Variants in SLC36A1 observed in about 807,000 individuals in gnomAD.
SLC36A1 encodes proton-coupled amino acid transporter 1.
A neutral mutation model predicts 47.5 loss-of-function variants in SLC36A1; 30 were observed. That is an observed-to-expected ratio of 0.63 (90% CI 0.47 to 0.86). The LOEUF is 0.86. Ranked by LOEUF, SLC36A1 falls within the 40% of genes least tolerant of loss-of-function variation. The pLI is 0.00. For missense variants in SLC36A1, 517 were observed against 606.0 expected, an observed-to-expected ratio of 0.85 and a Z score of 1.54; for synonymous variants, 255 against 249.7, an observed-to-expected ratio of 1.02 and a Z score of -0.20.
chr5:151,418,166 G>A, the SLC36A1 span, among the ~76,000 whole-genome samples: 23 of 152,270 alleles, frequency 1.5e-4, no homozygotes, highest in Middle Eastern at 3.2e-3. Context: ...TGTCCAGACA[G>A]AAGTTTGCTG....
the SLC36A1 span, among the ~76,000 whole-genome samples, chr5:151,352,274 G>A: frequency 6.6e-6 from 1 of 152,096 alleles, no homozygotes; most frequent in Non-Finnish European, 1.5e-5. Context: ...GATTATGTGT[G>A]TGTATCCCCA....
chr5:151,520,436 A>C, the SLC36A1 span, among the ~76,000 whole-genome samples: 1 of 152,336 alleles, frequency 6.6e-6, no homozygotes, highest in South Asian at 2.1e-4. Flanking sequence ...TTCCAACTGC[A>C]GATGGGGCTA....
At chr5:151,529,059 G>T in the SLC36A1 span, 1 of 815,936 alleles carries the variant, frequency 1.2e-6, no homozygotes, top group Non-Finnish European at 2.0e-6. Context: ...TCAGAGTCAA[G>T]TCTACAGTGT....
At chr5:151,499,156 G>C in the SLC36A1 span, among the ~76,000 whole-genome samples, 2 of 152,198 alleles carry the variant, frequency 1.3e-5, no homozygotes, top group East Asian at 3.8e-4. Context: ...ACCTTTCTTG[G>C]TTGGACACTT....
chr5:151,412,179 A>G, the SLC36A1 span, among the ~76,000 whole-genome samples: 10 of 144,802 alleles, frequency 6.9e-5, 2 homozygotes, highest in Non-Finnish European at 1.5e-4. Flanking sequence ...AGGTAAGACA[A>G]TGTAAGGAAT....
the SLC36A1 span, among the ~76,000 whole-genome samples, chr5:151,411,153 C>T: frequency 6.9e-6 from 1 of 144,898 alleles, no homozygotes; most frequent in African/African-American, 2.5e-5. Flanking sequence ...AGCTAGGACT[C>T]ATATTCACAT....
chr5:151,554,563 A>G, the SLC36A1 span: 1 of 1,614,228 alleles, frequency 6.2e-7, no homozygotes, highest in South Asian at 1.1e-5. Flanking sequence ...GAAGGCGGAC[A>G]TTGAAGAGCT....
chr5:151,478,103 G>A (rs937637616), intron 9 of SLC36A1, among the ~76,000 whole-genome samples: 1 of 152,168 alleles, frequency 6.6e-6, no homozygotes, highest in Non-Finnish European at 1.5e-5. Flanking sequence ...CCTTTTACCA[G>A]ACTCAGTCTT....
chr5:151,380,750 C>G, the SLC36A1 span: 1 of 541,686 alleles, frequency 1.8e-6, no homozygotes, highest in South Asian at 1.4e-5. Context: ...GTGGGAAGCC[C>G]CTTGCAGACA....
At chr5:151,348,198 A>G in the SLC36A1 span, among the ~76,000 whole-genome samples, 1 of 152,166 alleles carries the variant, frequency 6.6e-6, no homozygotes, top group African/African-American at 2.4e-5. Context: ...GGAAACGGGG[A>G]AGAGGCTGAG....
the SLC36A1 span, among the ~76,000 whole-genome samples, chr5:151,356,966 T>C: frequency 6.6e-6 from 1 of 152,058 alleles, no homozygotes; most frequent in Non-Finnish European, 1.5e-5. Context: ...ACAAGCAGGG[T>C]GCTCCCATAG....
At chr5:151,483,521 G>GGGGT (rs1759115963) in intron 10 of SLC36A1, among the ~76,000 whole-genome samples, 1 of 109,460 alleles carries the variant, frequency 9.1e-6, no homozygotes, top group Non-Finnish European at 2.4e-5. Context: ...TGTGTGTGGG[G>GGGGT]GGGGTGATTA....
chr5:151,356,352 A>AAAAAAAAAAAAAAAAAAAAAAAAAAAG, the SLC36A1 span, among the ~76,000 whole-genome samples: 1 of 148,902 alleles, frequency 6.7e-6, no homozygotes, highest in Non-Finnish European at 1.5e-5. Flanking sequence ...AAAAAAAAAA[A>AAAAAAAAAAAAAAAAAAAAAAAAAAAG]AAAAAAAAGA....
chr5:151,512,295 C>A, the SLC36A1 span: 8 of 1,614,240 alleles, frequency 5.0e-6, no homozygotes, highest in Non-Finnish European at 6.8e-6. This position sits in a 1 kb window ranked among gnomAD's most constrained non-coding sequence, Gnocchi z 4.1. Context: ...CAGGGGCCAG[C>A]AGATCTAGAG....
chr5:151,552,711 C>T, the SLC36A1 span, among the ~76,000 whole-genome samples: 22 of 152,256 alleles, frequency 1.4e-4, no homozygotes, highest in African/African-American at 5.1e-4. Context: ...CATCAGAGCC[C>T]GGATCCAAGT....
the SLC36A1 span, among the ~76,000 whole-genome samples, chr5:151,350,136 A>C: frequency 2.0e-5 from 3 of 147,594 alleles, no homozygotes; most frequent in African/African-American, 7.5e-5. Flanking sequence ...CACCACCACC[A>C]CCCTCCCCCG....
chr5:151,473,357 TC>T (rs1757594038), intron 7 of SLC36A1, among the ~76,000 whole-genome samples: 2 of 152,216 alleles, frequency 1.3e-5, no homozygotes, highest in Admixed American at 6.5e-5. Flanking sequence ...TGATTTTTTT[TC>T]TACTTGAATT....
chr5:151,351,489 G>T, the SLC36A1 span, among the ~76,000 whole-genome samples: 1 of 152,158 alleles, frequency 6.6e-6, no homozygotes, highest in Non-Finnish European at 1.5e-5. Context: ...ACTTGCTGGG[G>T]AGAGTGAATT....
At chr5:151,345,377 G>A in the SLC36A1 span, among the ~76,000 whole-genome samples, 1 of 152,180 alleles carries the variant, frequency 6.6e-6, no homozygotes, top group African/African-American at 2.4e-5. Context: ...CTTGGGCAAC[G>A]TGTTCAACTT....
Sources: gnomAD v4.1 joint callset for allele counts (sites outside exome capture counted in the v4.1 genomes callset) on GRCh38, gnomAD v4.1.1 for gene constraint, Gnocchi (gnomAD v3.1) non-coding constraint, MANE v1.5 for transcripts, NCBI Gene and HGNC (gene_info 2026-07-23, HGNC 2026-07-21) for gene names.